Variants in ABHD14A observed in about 807,000 individuals in gnomAD.
ABHD14A encodes abhydrolase domain containing 14A.
ABHD14A carries 19 observed loss-of-function variants against 27.0 expected under a neutral mutation model. That is an observed-to-expected ratio of 0.70 (90% CI 0.49 to 1.03). ABHD14A has a LOEUF of 1.03. ABHD14A is among the 50% of genes least tolerant of loss of function. ABHD14A has a pLI of 0.00. For synonymous variants in ABHD14A, 148 were observed against 158.8 expected (o/e 0.93, Z 0.51); for missense variants, 311 against 344.6 (o/e 0.90, Z 0.77).
chr3:51,978,138 G>T, intron 2 of ABHD14A, 56 bp downstream of exon 2: 3 of 1,564,676 alleles, frequency 1.9e-6, no homozygotes, highest in Non-Finnish European at 2.6e-6. Context: ...GAGTCCCTGT[G>T]TGGGACCCCC....
At chr3:51,977,029 A>G (rs757971646) in intron 1 of ABHD14A, among the ~76,000 whole-genome samples, 1 of 151,554 alleles carries the variant, frequency 6.6e-6, no homozygotes, top group South Asian at 2.1e-4. Context: ...CATCTCTCCA[A>G]CCTCTACACT....
rs1457483543 is a variant in ABHD14A at position 51,978,382 on chromosome 3, C to A, written c.397+8C>A. On this transcript the variant is annotated splice_region_variant and intron_variant, in intron 3 of 4. Coordinates refer to ENST00000273596, the MANE Select transcript of ABHD14A (RefSeq NM_015407.5). ...TGGCCCTTGACCTTCCAGGTGAGCA[C>A]CCCCACCCCTTTGTCTAGGGAAGCC... 2 of 1,547,582 alleles carry A rather than the reference C, an allele frequency of 1.3e-6. No homozygotes were observed. Among genetic ancestry groups the A allele is most frequent in the Non-Finnish European group, 1.7e-6 (2 of 1,143,682 alleles).
At chr3:51,980,331 T>A in intron 3 of ABHD14A, 62 bp from the exon 4 acceptor site, 2 of 1,512,824 alleles carry the variant, frequency 1.3e-6, no homozygotes, top group Non-Finnish European at 1.8e-6. Flanking sequence ...CCCACTGTGG[T>A]GGGCAGGAAG....
At chr3:51,975,755 G>A (rs937193489) in intron 1 of ABHD14A, among the ~76,000 whole-genome samples, 1 of 152,214 alleles carries the variant, frequency 6.6e-6, no homozygotes, top group Non-Finnish European at 1.5e-5. Flanking sequence ...CTGTGTGCGT[G>A]ATGTAGAGGG....
At chr3:51,978,918 A>G (rs920100373) in intron 3 of ABHD14A, 2 of 325,318 alleles carry the variant, frequency 6.1e-6, no homozygotes, top group Non-Finnish European at 1.3e-5. Context: ...ATGGCAAACC[A>G]TATAGGTTTT....
Position 51,981,006 on chromosome 3 carries a change from C to T in ABHD14A, c.804C>T (p.Asp268=). 2 of 1,612,762 alleles carry T rather than the reference C, an allele frequency of 1.2e-6. No individual in the cohort carries two copies. Among genetic ancestry groups the T allele is most frequent in the South Asian group, 2.2e-5 (2 of 91,050 alleles). Residue 268 remains aspartate (D), a synonymous_variant, in exon 5 of 5, where the codon GAC becomes GAT. Transcript: ENST00000273596. ...DFHLVLLAFL[D]HLP ...ACCTTGTCCTGCTTGCCTTCCTTGA[C>T]CATCTACCTTGAACTAACCCACTCC...
chr3:51,977,716 A>G (rs998893385), intron 1 of ABHD14A, among the ~76,000 whole-genome samples, 155 bp from the exon 2 acceptor site: 1 of 152,232 alleles, frequency 6.6e-6, no homozygotes, highest in Non-Finnish European at 1.5e-5. Context: ...GGAGTAGTTG[A>G]GTGTGAACTC....
At chr3:51,978,455 T>G in intron 3 of ABHD14A, 81 bp downstream of exon 3, 1 of 1,053,522 alleles carries the variant, frequency 9.5e-7, no homozygotes, top group Non-Finnish European at 1.4e-6. Context: ...GGACAGGCCG[T>G]GGCAGGTCAC....
In ABHD14A at chr3:51,981,089, G is replaced by A. The variant is rs1276227206; in HGVS notation, c.*71G>A. ...TGGACCGCCACCCTCCCTGAACCAG[G>A]GAGACAGCCTCTGGGATTGGAGGCC... On this transcript the variant is annotated 3_prime_UTR_variant, in exon 5 of 5. Transcript: ENST00000273596. 1.3e-6 allele frequency: 2 copies of A among 1,536,424 alleles called. No individual in the cohort carries two copies. Among genetic ancestry groups the A allele is most frequent in the Non-Finnish European group, 8.9e-7 (1 of 1,126,266 alleles).
intron 1 of ABHD14A, among the ~76,000 whole-genome samples, chr3:51,976,173 G>A (rs1002582799): frequency 2.0e-5 from 3 of 151,620 alleles, no homozygotes; most frequent in Non-Finnish European, 4.4e-5. Flanking sequence ...TAGTGGTCTG[G>A]AAGAAAAGAG....
In ABHD14A at chr3:51,978,341, A is replaced by AG; in HGVS notation, c.368dup (p.Tyr124LeufsTer7). ...GGGCACACTGCAGCTACTGTCACAG[A>AG]GGGGCTACCGGGCCGTGGCCCTTGA... On this transcript the variant is annotated frameshift_variant, in exon 3 of 5. Coordinates refer to ENST00000273596, the MANE Select transcript of ABHD14A (RefSeq NM_015407.5). LOFTEE classifies it high-confidence loss of function. 1.3e-6 allele frequency: 2 copies of AG among 1,551,686 alleles called. No individual in the cohort carries two copies. The highest frequency in any genetic ancestry group is 2.4e-5 in the South Asian group (2 of 84,070).
intron 1 of ABHD14A, 26 bp from the exon 2 acceptor site, chr3:51,977,845 C>CTTTT (rs1418815237): frequency 2.5e-6 from 4 of 1,595,652 alleles, no homozygotes; most frequent in Non-Finnish European, 3.4e-6. Context: ...GTTCCAGCCT[C>CTTTT]TTTTCCCTCT....
intron 3 of ABHD14A, among the ~76,000 whole-genome samples, chr3:51,979,164 T>C (rs1040954127): frequency 1.3e-5 from 2 of 152,140 alleles, no homozygotes; most frequent in African/African-American, 4.8e-5. Flanking sequence ...GTAAACATGA[T>C]TGGTATCCTG....
Position 51,978,383 on chromosome 3 carries a change from C to T in ABHD14A, c.397+9C>T. On this transcript the variant is annotated intron_variant, in intron 3 of 4. Transcript: ENST00000273596. The stretch of plus-strand genomic sequence containing the variant: ...GGCCCTTGACCTTCCAGGTGAGCAC[C>T]CCCACCCCTTTGTCTAGGGAAGCCT... The T allele has an allele frequency of 1.3e-6, 2 of 1,548,162 alleles. No individual in the cohort carries two copies. Among genetic ancestry groups the T allele is most frequent in the Non-Finnish European group, 1.7e-6 (2 of 1,144,128 alleles).
chr3:51,977,502 G>A (rs760962896), intron 1 of ABHD14A, among the ~76,000 whole-genome samples: 3 of 152,040 alleles, frequency 2.0e-5, no homozygotes, highest in East Asian at 1.9e-4. Flanking sequence ...CTATAATCAC[G>A]TCTGCTCCCC....
At chr3:51,979,784 C>T (rs1319166022) in intron 3 of ABHD14A, among the ~76,000 whole-genome samples, 1 of 150,840 alleles carries the variant, frequency 6.6e-6, no homozygotes, top group Non-Finnish European at 1.5e-5. Context: ...GCCCAGCTGC[C>T]AGGACATGCA....
rs200799556 is a variant in ABHD14A, at chr3:51,980,239, C to T, written c.398-154C>T. On this transcript the variant is annotated intron_variant, in intron 3 of 4. Coordinates refer to ENST00000273596, the MANE Select transcript of ABHD14A (RefSeq NM_015407.5). ...TCTCGGCCAAGATATGCTTTTCTAACAGGCATATTACATTACCAGAAAATA... is the reference window on the plus strand; with the variant it reads ...TCTCGGCCAAGATATGCTTTTCTAATAGGCATATTACATTACCAGAAAATA... 6.6e-6 allele frequency: 5 copies of T among 751,946 alleles called. No homozygotes were observed. The East Asian group carries it at 1.3e-4, about 20-fold the overall frequency. 46.6% of individuals were successfully genotyped at this position (751,946 alleles called of 1,614,324 possible).
rs1700899845 is a variant in ABHD14A at position 51,981,044 on chromosome 3, T to C, written c.*26T>C. On this transcript the variant is annotated 3_prime_UTR_variant, in exon 5 of 5. Coordinates refer to ENST00000273596, the MANE Select transcript of ABHD14A (RefSeq NM_015407.5). ...ACTAACCCACTCCCAGCTCCCAGCC[T>C]GGCATGAGCTTGGACAGTCTGGACC... 1 of 1,598,368 alleles carries C rather than the reference T, an allele frequency of 6.3e-7. No individual in the cohort carries two copies. The highest frequency in any genetic ancestry group is 1.3e-5 in the African/African-American group (1 of 74,694).
intron 3 of ABHD14A, chr3:51,978,828 G>C (rs924236915): frequency 2.6e-5 from 6 of 229,472 alleles, no homozygotes; most frequent in Non-Finnish European, 3.8e-5. Context: ...CCGACCTCAG[G>C]TGATTCGCCT....
Sources: allele counts gnomAD v4.1 joint callset (sites outside exome capture counted in the v4.1 genomes callset), GRCh38; gene constraint gnomAD v4.1.1; transcripts MANE v1.5; gene names NCBI Gene and HGNC (gene_info 2026-07-23, HGNC 2026-07-21).